DSG2: variants seen among roughly 807,000 people sequenced by gnomAD.
DSG2 encodes desmoglein 2, also known as desmoglein-2.
In DSG2, 45 loss-of-function variants were observed where a neutral mutation model predicts 75.6. That is an observed-to-expected ratio of 0.60 (90% CI 0.47 to 0.76). DSG2 has a LOEUF of 0.76. Among genes scored for constraint, DSG2 ranks in the 30% least tolerant of loss-of-function variants. The pLI is 0.00. For missense variants in DSG2, 1,267 were observed against 1,357.4 expected, an observed-to-expected ratio of 0.93 and a Z score of 1.05; for synonymous variants, 429 against 483.9, an observed-to-expected ratio of 0.89 and a Z score of 1.49.
At position 31,523,139 on chromosome 18, in the gene DSG2, T is replaced by C. The variant is rs541712232; in HGVS notation, c.690+890T>C. On this transcript the variant is annotated intron_variant, in intron 6 of 14. Coordinates refer to ENST00000261590, the MANE Select transcript of DSG2 (RefSeq NM_001943.5). ...ATGATTGGCCGGGCGTGGTGGCTCA[T>C]GCCTGTAATGCCAGCACTTTGGGAG... 4.4e-4 allele frequency among the ~76,000 whole-genome samples: 67 copies of C among 152,298 alleles called. 1 individual carries two copies. Among genetic ancestry groups the C allele is most frequent in the African/African-American group, 1.2e-3 (49 of 41,556 alleles).
Position 31,538,766 on chromosome 18 carries a change from T to TGCAACAAA in DSG2, c.1669_1676dup (p.Glu560AsnfsTer15). The TGCAACAAA allele has an allele frequency of 6.2e-7, 1 of 1,614,236 alleles. No homozygotes were observed. The highest frequency in any genetic ancestry group is 8.5e-7 in the Non-Finnish European group (1 of 1,180,030). ...AACCTTGTAGGTACCAGTGTGCTGC[T>TGCAACAAA]GCAACAAAGTGAGAAAAAGCTTGGG... is the stretch of plus-strand genomic sequence containing the variant. On this transcript the variant is annotated frameshift_variant, in exon 12 of 15. Coordinates refer to ENST00000261590, the MANE Select transcript of DSG2 (RefSeq NM_001943.5). LOFTEE classifies it high-confidence loss of function.
chr18:31,505,522 G>A (rs1345522436), intron 1 of DSG2, among the ~76,000 whole-genome samples: 1 of 152,078 alleles, frequency 6.6e-6, no homozygotes, highest in Admixed American at 6.6e-5. Context: ...AAATGCCTTG[G>A]GCACGGACGT....
chr18:31,514,930 GAAT>G (rs1321355037), intron 1 of DSG2, among the ~76,000 whole-genome samples: 2 of 152,122 alleles, frequency 1.3e-5, no homozygotes, highest in African/African-American at 2.4e-5. Flanking sequence ...CACTTGGTCA[GAAT>G]AATAATATTT....
At chr18:31,535,191 A>G in intron 9 of DSG2, 79 bp from the exon 10 acceptor site, 1 of 950,162 alleles carries the variant, frequency 1.1e-6, no homozygotes, top group East Asian at 2.6e-5. Context: ...AAGAAAAGTA[A>G]GCTTGAAAGA....
At chr18:31,509,088 A>C (rs2144296429) in intron 1 of DSG2, among the ~76,000 whole-genome samples, 1 of 152,370 alleles carries the variant, frequency 6.6e-6, no homozygotes, top group Non-Finnish European at 1.5e-5. Context: ...GCCCTATGTC[A>C]AGGGAAAAAA....
chr18:31,543,614 C>T (rs2073284459), intron 14 of DSG2, among the ~76,000 whole-genome samples: 2 of 152,104 alleles, frequency 1.3e-5, no homozygotes, highest in South Asian at 4.1e-4. Flanking sequence ...GCCTGTGATC[C>T]CAGCACTCTG....
At chr18:31,543,052 G>C in intron 14 of DSG2, 200 bp downstream of exon 14, 1 of 511,898 alleles carries the variant, frequency 2.0e-6, no homozygotes, top group Non-Finnish European at 3.4e-6. Context: ...GCTAAATTAT[G>C]CTGCAGTAAC....
In DSG2 at chr18:31,542,819, G is replaced by A. The variant is rs1427084454; in HGVS notation, c.2301G>A (p.Leu767=). 6.9e-7 allele frequency: 1 copy of A among 1,447,030 alleles called. No homozygotes were observed. The highest frequency in any genetic ancestry group is 9.2e-7 in the Non-Finnish European group (1 of 1,087,030). The allele number at this position is 1,447,030 out of a possible 1,614,324, so 89.6% of individuals were successfully genotyped here. The change falls in exon 14 of 15, where the codon CTG becomes CTA. Residue 767 remains leucine, a synonymous_variant. Coordinates refer to ENST00000261590, the MANE Select transcript of DSG2 (RefSeq NM_001943.5). ...MAGAQAAAVA[L]NEEFLRNYFT... ...GAGCTCAGGCAGCTGCTGTTGCACT[G>A]AACGAAGAATTCTTAAGAAATTATT...
intron 12 of DSG2, 60 bp from the exon 13 acceptor site, chr18:31,541,133 T>C: frequency 3.1e-6 from 5 of 1,611,370 alleles, no homozygotes; most frequent in Non-Finnish European, 4.2e-6. Context: ...AATTGTGCAA[T>C]ATAAATTTAG....
chr18:31,523,292 T>C (rs1348060219), intron 6 of DSG2, among the ~76,000 whole-genome samples: 3 of 151,996 alleles, frequency 2.0e-5, no homozygotes, highest in Non-Finnish European at 4.4e-5. Context: ...TCCCAGCTAC[T>C]CGGGAGGCTG....
rs185821167 is a variant in DSG2 at position 31,524,749 on chromosome 18, G to T, written c.875G>T (p.Arg292Leu). 3 of 1,614,006 alleles carry T rather than the reference G, an allele frequency of 1.9e-6. No individual in the cohort carries two copies. The African/African-American group carries it at 4.0e-5, about 22-fold the overall frequency. The change falls in exon 8 of 15, where the codon CGC becomes CTC. Residue 292 changes from arginine (R) to leucine (L), a missense_variant. Coordinates refer to ENST00000261590, the MANE Select transcript of DSG2 (RefSeq NM_001943.5). ...EENQVNVEVTRIKVFDADEIG... is the reference protein window; with the variant it reads ...EENQVNVEVTLIKVFDADEIG... Reference sequence around the variant, plus strand: ...AATCAAGTCAACGTAGAAGTTACGCGCATAAAAGTGTTCGATGCAGATGAA... The same window carrying T: ...AATCAAGTCAACGTAGAAGTTACGCTCATAAAAGTGTTCGATGCAGATGAA...
In DSG2 at chr18:31,498,213, C is replaced by G; in HGVS notation, c.-39C>G. 1 of 1,240,186 alleles carries G rather than the reference C, an allele frequency of 8.1e-7. No individual in the cohort carries two copies. Among genetic ancestry groups the G allele is most frequent in the Non-Finnish European group, 1.0e-6 (1 of 989,236 alleles). The allele number at this position is 1,240,186 out of a possible 1,614,324, so 76.8% of individuals were successfully genotyped here. On this transcript the variant is annotated 5_prime_UTR_variant, in exon 1 of 15. Transcript: ENST00000261590. ...TGCGCGCTCGGGGCAGGCGGCGGCG[C>G]GGAGCGGTGCGGCGGCGGGAGGCGG... is the stretch of plus-strand genomic sequence containing the variant.
At position 31,546,319 on chromosome 18, in the gene DSG2, C is replaced by G. The variant is rs1184667402; in HGVS notation, c.2933C>G (p.Pro978Arg). 6.2e-7 allele frequency: 1 copy of G among 1,608,146 alleles called. No homozygotes were observed. Among genetic ancestry groups the G allele is most frequent in the East Asian group, 2.2e-5 (1 of 44,780 alleles). ...CCAGCTTCTACCTTGGTAGATCAGC[C>G]TTATGCTAATGAAGGTACAGTTGTG... ...YAPASTLVDQ[P>R]YANEGTVVVT... The change falls in exon 15 of 15, where the codon CCT becomes CGT. Residue 978 changes from proline to arginine, a missense_variant. Coordinates refer to ENST00000261590, the MANE Select transcript of DSG2 (RefSeq NM_001943.5).
intron 13 of DSG2, among the ~76,000 whole-genome samples, chr18:31,541,851 T>TAAC (rs2144351802): frequency 6.6e-6 from 1 of 152,328 alleles, no homozygotes; most frequent in Non-Finnish European, 1.5e-5. Context: ...GAACTCAGAA[T>TAAC]AACAGTGGCT....
chr18:31,534,563 T>C (rs1444018162), intron 9 of DSG2, among the ~76,000 whole-genome samples: 2 of 142,738 alleles, frequency 1.4e-5, no homozygotes, highest in African/African-American at 5.5e-5. Flanking sequence ...CAGGCTAGAG[T>C]GCAGTGGCGC....
At chr18:31,528,481 G>A (rs1271441228) in intron 8 of DSG2, among the ~76,000 whole-genome samples, 1 of 152,138 alleles carries the variant, frequency 6.6e-6, no homozygotes, top group Non-Finnish European at 1.5e-5. Flanking sequence ...GGAGGCCGAG[G>A]TTGGGGGATC....
chr18:31,546,168 A>T lies in DSG2; in HGVS notation c.2782A>T (p.Met928Leu). 6.2e-7 allele frequency: 1 copy of T among 1,614,124 alleles called. No homozygotes were observed. Among genetic ancestry groups the T allele is most frequent in the Non-Finnish European group, 8.5e-7 (1 of 1,180,018 alleles). The change falls in exon 15 of 15, where the codon ATG (methionine) becomes TTG (leucine). Residue 928 changes from methionine to leucine, a missense_variant. Met to Leu is a conservative substitution (Grantham distance 15). Transcript: ENST00000261590. ...QKVATPLPDP[M>L]ASRNVIATET... ...GGTAGCTACACCTCTTCCTGACCCA[A>T]TGGCTTCTAGAAATGTGATAGCAAC...
intron 14 of DSG2, among the ~76,000 whole-genome samples, chr18:31,545,362 AGAACTTTAATATT>A (rs1306516509): frequency 6.6e-6 from 1 of 152,268 alleles, no homozygotes; most frequent in African/African-American, 2.4e-5. Flanking sequence ...TAACAAATGT[AGAACTTTAATATT>A]GACATAGTCC....
intron 11 of DSG2, among the ~76,000 whole-genome samples, chr18:31,537,308 T>C (rs1406173544): frequency 3.9e-5 from 6 of 152,210 alleles, no homozygotes; most frequent in African/African-American, 1.2e-4. Context: ...TCCTTATATA[T>C]TTCAGTGATC....
Sources: allele counts gnomAD v4.1 joint callset (sites outside exome capture counted in the v4.1 genomes callset), GRCh38; gene constraint gnomAD v4.1.1; transcripts MANE v1.5; gene names NCBI Gene and HGNC (gene_info 2026-07-23, HGNC 2026-07-21).